SKAP2: variants seen among roughly 807,000 people sequenced by gnomAD.
SKAP2 encodes src kinase associated phosphoprotein 2, also known as src kinase-associated phosphoprotein 2.
SKAP2 carries 28 observed loss-of-function variants against 54.9 expected under a neutral mutation model. The ratio of observed to expected loss-of-function variants is 0.51; its 90% CI spans 0.38 to 0.70. SKAP2 has a LOEUF of 0.70. Among genes scored for constraint, SKAP2 ranks in the 30% least tolerant of loss-of-function variants. SKAP2 has a pLI of 0.00. For missense variants in SKAP2, 356 were observed against 424.1 expected, an observed-to-expected ratio of 0.84 and a Z score of 1.41; for synonymous variants, 137 against 134.3, an observed-to-expected ratio of 1.02 and a Z score of -0.14.
At position 26,670,254 on chromosome 7, in the gene SKAP2, T is replaced by C. The variant is rs1472065783; in HGVS notation, c.988-62A>G. The stretch of plus-strand genomic sequence containing the variant: ...TGGTGTAAGTACAATGTCGTTTGTA[T>C]GCAACTTCTTAGAAATGTTATTTCT... On this transcript the variant is annotated intron_variant, in intron 11 of 12. Coordinates refer to ENST00000345317, the MANE Select transcript of SKAP2 (RefSeq NM_003930.5). 3 of 763,798 alleles carry C rather than the reference T, an allele frequency of 3.9e-6. No individual in the cohort carries two copies. The African/African-American group carries it at 5.2e-5, about 13-fold the overall frequency. The allele number at this position is 763,798 out of a possible 1,614,324, so 47.3% of individuals were successfully genotyped here. A position where few individuals can be genotyped will look rare whatever the true frequency, so the allele number is the denominator to read the frequency against.
chr7:26,665,137 G>C (rs1015374605), downstream of SKAP2, among the ~76,000 whole-genome samples: 3 of 152,182 alleles, frequency 2.0e-5, no homozygotes, highest in Non-Finnish European at 2.9e-5. Context: ...ATGCTTTCAA[G>C]ATCAGATGCA....
At chr7:26,753,445 C>T (rs11773029) in intron 4 of SKAP2, among the ~76,000 whole-genome samples, 94,117 of 152,016 alleles carry the variant, frequency 0.62, 29,719 homozygotes, top group East Asian at 0.88. Context: ...TCTAAGCTAA[C>T]GTTCACTGCA....
In SKAP2 at chr7:26,830,356, T is replaced by C. The variant is rs1195810301; in HGVS notation, c.307+13674A>G. Among the ~76,000 whole-genome samples, 3 of 152,106 alleles carry C rather than the reference T, an allele frequency of 2.0e-5. No homozygotes were observed. In the East Asian group the frequency reaches 5.8e-4, roughly 29 times the overall value. On this transcript the variant is annotated intron_variant, in intron 4 of 12. Transcript: ENST00000345317. ...TTATACTTACATAATTCTGTGACCA[T>C]ATTAAAAACCACCTGAATTGTATAC... is the stretch of plus-strand genomic sequence containing the variant.
intron 4 of SKAP2, among the ~76,000 whole-genome samples, chr7:26,825,946 TG>T (rs2127991406): frequency 6.6e-6 from 1 of 152,318 alleles, no homozygotes; most frequent in South Asian, 2.1e-4. Context: ...CTTTAGTGGC[TG>T]TTTTTGCCTG....
intron 4 of SKAP2, among the ~76,000 whole-genome samples, chr7:26,771,026 A>C (rs1171707099): frequency 2.0e-5 from 3 of 152,242 alleles, no homozygotes; most frequent in Non-Finnish European, 4.4e-5. Context: ...AAAGGAAATA[A>C]AATTATAACT....
At chr7:26,685,680 C>G (rs574202280) in intron 10 of SKAP2, among the ~76,000 whole-genome samples, 1 of 152,286 alleles carries the variant, frequency 6.6e-6, no homozygotes, top group South Asian at 2.1e-4. Flanking sequence ...ACTTTCCACT[C>G]TGTAAGACCA....
intron 4 of SKAP2, among the ~76,000 whole-genome samples, chr7:26,821,085 T>C (rs1784376291): frequency 6.6e-6 from 1 of 151,794 alleles, no homozygotes; most frequent in East Asian, 1.9e-4. Context: ...AACAGTACTA[T>C]TTACTCATGA....
intron 4 of SKAP2, among the ~76,000 whole-genome samples, chr7:26,787,873 T>C (rs193041904): frequency 1.7e-3 from 266 of 152,254 alleles, no homozygotes; most frequent in African/African-American, 6.0e-3. Flanking sequence ...TCTTTTTCTT[T>C]TTAACCGAGT....
At chr7:26,719,664 T>G (rs1375172567) in intron 9 of SKAP2, among the ~76,000 whole-genome samples, 1 of 152,204 alleles carries the variant, frequency 6.6e-6, no homozygotes, top group Non-Finnish European at 1.5e-5. Context: ...AATGCTTCCT[T>G]CATTTTTTAT....
At chr7:26,843,912 T>C (rs550246261) in intron 4 of SKAP2, 118 bp downstream of exon 4, 3 of 628,258 alleles carry the variant, frequency 4.8e-6, no homozygotes, top group African/African-American at 3.7e-5. Flanking sequence ...TAAAAGGTTT[T>C]GGTAAAGGTA....
chr7:26,833,247 T>G (rs990404597), intron 4 of SKAP2, among the ~76,000 whole-genome samples: 3 of 148,064 alleles, frequency 2.0e-5, no homozygotes, highest in Non-Finnish European at 3.0e-5. Flanking sequence ...CAAAAAAAAA[T>G]TAGCCAGGAG....
intron 4 of SKAP2, among the ~76,000 whole-genome samples, chr7:26,808,914 A>C (rs1362034758): frequency 2.6e-5 from 4 of 152,248 alleles, no homozygotes; most frequent in Non-Finnish European, 5.9e-5. Context: ...TGACCCCCAA[A>C]GCACAGGTAA....
chr7:26,727,932 C>A (rs554993392), intron 6 of SKAP2, among the ~76,000 whole-genome samples: 59 of 152,212 alleles, frequency 3.9e-4, no homozygotes, highest in African/African-American at 1.3e-3. Flanking sequence ...GGGGCAAATA[C>A]AGAAATGCTT....
intron 4 of SKAP2, among the ~76,000 whole-genome samples, chr7:26,823,159 C>T (rs1289164100): frequency 2.6e-5 from 4 of 152,046 alleles, no homozygotes; most frequent in Non-Finnish European, 5.9e-5. Context: ...GGTGTGGTGG[C>T]TCACGCCTGT....
intron 9 of SKAP2, among the ~76,000 whole-genome samples, chr7:26,723,329 G>C (rs1195565724): frequency 6.6e-6 from 1 of 152,096 alleles, no homozygotes; most frequent in Admixed American, 6.6e-5. Flanking sequence ...AGTTACATTG[G>C]GGAAGAAGGG....
chr7:26,788,335 C>A (rs1201345153), intron 4 of SKAP2, among the ~76,000 whole-genome samples: 1 of 151,568 alleles, frequency 6.6e-6, no homozygotes, highest in Non-Finnish European at 1.5e-5. Context: ...GCCAAAGAAC[C>A]TTTCTATCCC....
At chr7:26,761,981 C>T (rs1353190966) in intron 4 of SKAP2, among the ~76,000 whole-genome samples, 3 of 152,150 alleles carry the variant, frequency 2.0e-5, no homozygotes, top group Non-Finnish European at 4.4e-5. Context: ...AGTTTGCCAG[C>T]AGCTAAGAAA....
chr7:26,758,067 A>G (rs553041029), intron 4 of SKAP2, among the ~76,000 whole-genome samples: 52 of 152,274 alleles, frequency 3.4e-4, no homozygotes, highest in African/African-American at 1.2e-3. Context: ...AGCATGATAC[A>G]CTATTTTTTA....
At chr7:26,758,271 T>C (rs1297411861) in intron 4 of SKAP2, among the ~76,000 whole-genome samples, 3 of 152,120 alleles carry the variant, frequency 2.0e-5, no homozygotes, top group African/African-American at 7.2e-5. Flanking sequence ...TAAAATTTTA[T>C]ATAATACAAT....
Sources: allele counts gnomAD v4.1 joint callset (sites outside exome capture counted in the v4.1 genomes callset), GRCh38; gene constraint gnomAD v4.1.1; transcripts MANE v1.5; gene names NCBI Gene and HGNC (gene_info 2026-07-23, HGNC 2026-07-21).